The following ZSWIM6 variants were observed in gnomAD, a reference collection of about 807,000 sequenced individuals.
ZSWIM6 encodes the protein zinc finger SWIM domain-containing protein 6.
ZSWIM6 carries 9 observed loss-of-function variants against 113.2 expected under a neutral mutation model. The observed-to-expected ratio is 0.08, with a 90% CI of 0.05 to 0.14. The LOEUF is 0.14. Ranked by LOEUF, ZSWIM6 falls within the 10% of genes least tolerant of loss-of-function variation. ZSWIM6 has a pLI of 1.00. For synonymous variants in ZSWIM6, 611 were observed against 606.5 expected (o/e 1.01, Z -0.11); for missense variants, 1,162 against 1,552.2 (o/e 0.75, Z 4.22).
At chr5:61,474,784 C>G (rs939530072) in intron 2 of ZSWIM6, among the ~76,000 whole-genome samples, 1 of 152,118 alleles carries the variant, frequency 6.6e-6, no homozygotes, top group Admixed American at 6.6e-5. Context: ...TGTAAACATT[C>G]TTTTATAAGT....
intron 3 of ZSWIM6, among the ~76,000 whole-genome samples, chr5:61,491,570 A>G (rs1748177689): frequency 6.6e-6 from 1 of 152,084 alleles, no homozygotes; most frequent in Non-Finnish European, 1.5e-5. Flanking sequence ...AATTTAATTT[A>G]TCTGGGTCAT....
At chr5:61,360,766 T>C (rs766536864) in intron 1 of ZSWIM6, among the ~76,000 whole-genome samples, 1 of 152,232 alleles carries the variant, frequency 6.6e-6, no homozygotes, top group Non-Finnish European at 1.5e-5. Context: ...ATGGGTTATT[T>C]AAGCTTCTGT....
chr5:61,539,351 G>A (rs561184878), intron 11 of ZSWIM6, among the ~76,000 whole-genome samples: 7 of 152,246 alleles, frequency 4.6e-5, no homozygotes, highest in African/African-American at 1.7e-4. Context: ...AGTCATTGAG[G>A]GTGTGTCTCA....
intron 5 of ZSWIM6, among the ~76,000 whole-genome samples, chr5:61,524,178 G>A (rs911505799): frequency 2.0e-5 from 3 of 152,184 alleles, no homozygotes; most frequent in Non-Finnish European, 4.4e-5. Context: ...ACTGTGAGAG[G>A]TCACGGAACC....
At position 61,453,367 on chromosome 5, in the gene ZSWIM6, ACT is replaced by A. The variant is rs1162013547; in HGVS notation, c.677-19303_677-19302del. ...TTTGTGGTGAGAACACTTTACGTCCACTCTCTCTCTCTTTTTTTTTTTTTTTG... is the reference window on the plus strand; with the variant it reads ...TTTGTGGTGAGAACACTTTACGTCCACTCTCTCTCTTTTTTTTTTTTTTTG... On this transcript the variant is annotated intron_variant, in intron 1 of 13. Coordinates refer to ENST00000252744, the MANE Select transcript of ZSWIM6 (RefSeq NM_020928.2). Among the ~76,000 whole-genome samples the A allele has an allele frequency of 3.0e-5, 4 of 135,152 alleles. No individual in the cohort carries two copies. The South Asian group carries it at 7.1e-4, about 24-fold the overall frequency. The allele number at this position is 135,152 out of a possible 152,430, so 88.7% of individuals were successfully genotyped here.
intron 4 of ZSWIM6, among the ~76,000 whole-genome samples, chr5:61,507,539 GAAT>G (rs2112240094): frequency 6.6e-6 from 1 of 152,260 alleles, no homozygotes; most frequent in African/African-American, 2.4e-5. Context: ...CTTCTGACTT[GAAT>G]AATCAATCTT....
At chr5:61,426,445 C>A (rs1286048592) in intron 1 of ZSWIM6, among the ~76,000 whole-genome samples, 1 of 152,180 alleles carries the variant, frequency 6.6e-6, no homozygotes, top group Admixed American at 6.5e-5. Context: ...CTTATATATG[C>A]AAGCAATATT....
At chr5:61,522,464 C>T (rs752101623) in intron 5 of ZSWIM6, among the ~76,000 whole-genome samples, 2 of 152,130 alleles carry the variant, frequency 1.3e-5, no homozygotes, top group Non-Finnish European at 2.9e-5. Context: ...ATAACTGGAA[C>T]AATGTGCTGA....
intron 1 of ZSWIM6, among the ~76,000 whole-genome samples, chr5:61,384,853 C>T (rs537334716): frequency 1.3e-5 from 2 of 152,042 alleles, no homozygotes; most frequent in Admixed American, 6.6e-5. Context: ...GTCAGGAGAT[C>T]GAGACCATCC....
chr5:61,386,994 C>G (rs542614056), intron 1 of ZSWIM6, among the ~76,000 whole-genome samples: 2 of 152,200 alleles, frequency 1.3e-5, no homozygotes, highest in East Asian at 3.9e-4. Flanking sequence ...TTCAAGGGAG[C>G]CTTTGCCTTT....
intron 4 of ZSWIM6, among the ~76,000 whole-genome samples, chr5:61,496,747 C>T (rs866797065): frequency 3.3e-5 from 5 of 152,046 alleles, no homozygotes; most frequent in East Asian, 1.9e-4. Context: ...TCCAACACCG[C>T]GCCATTACAG....
chr5:61,365,406 T>C (rs940002575), intron 1 of ZSWIM6, among the ~76,000 whole-genome samples: 1 of 152,056 alleles, frequency 6.6e-6, no homozygotes, highest in Non-Finnish European at 1.5e-5. Flanking sequence ...GGATAGGGAA[T>C]GGCTGACACC....
chr5:61,372,197 A>G (rs1745280757), intron 1 of ZSWIM6, among the ~76,000 whole-genome samples: 1 of 151,922 alleles, frequency 6.6e-6, no homozygotes, highest in African/African-American at 2.4e-5. Flanking sequence ...CATAAATGCC[A>G]TTTAAATGTG....
intron 4 of ZSWIM6, among the ~76,000 whole-genome samples, chr5:61,519,453 G>T (rs1031996383): frequency 6.6e-6 from 1 of 152,052 alleles, no homozygotes; most frequent in African/African-American, 2.4e-5. Flanking sequence ...AAACATAATG[G>T]CAAGTCACCC....
At chr5:61,422,556 G>C (rs1746375270) in intron 1 of ZSWIM6, among the ~76,000 whole-genome samples, 1 of 152,080 alleles carries the variant, frequency 6.6e-6, no homozygotes, top group South Asian at 2.1e-4. Context: ...TGGGTCTTTT[G>C]TGGTTCCATA....
At chr5:61,526,993 A>T (rs1025451753) in intron 7 of ZSWIM6, among the ~76,000 whole-genome samples, 1 of 152,246 alleles carries the variant, frequency 6.6e-6, no homozygotes, top group African/African-American at 2.4e-5. Flanking sequence ...ACATGTTACT[A>T]TATTTACTTA....
chr5:61,386,735 C>G (rs991161443), intron 1 of ZSWIM6, among the ~76,000 whole-genome samples: 1 of 152,138 alleles, frequency 6.6e-6, no homozygotes, highest in African/African-American at 2.4e-5. Flanking sequence ...TCTGAAGTTT[C>G]CAAAACATGT....
chr5:61,526,071 C>T (rs1749272067), intron 6 of ZSWIM6, 95 bp downstream of exon 6: 1 of 1,455,824 alleles, frequency 6.9e-7, no homozygotes, highest in East Asian at 2.5e-5. Flanking sequence ...CTGAAGGATT[C>T]AATGGGAGAT....
At chr5:61,422,429 C>G (rs1191261783) in intron 1 of ZSWIM6, among the ~76,000 whole-genome samples, 1 of 152,186 alleles carries the variant, frequency 6.6e-6, no homozygotes, top group Non-Finnish European at 1.5e-5. Flanking sequence ...TACTAAGTGT[C>G]TATTTTTATG....
Sources: allele counts gnomAD v4.1 joint callset (sites outside exome capture counted in the v4.1 genomes callset), GRCh38; gene constraint gnomAD v4.1.1; transcripts MANE v1.5; gene names NCBI Gene and HGNC (gene_info 2026-07-23, HGNC 2026-07-21).